ADCY7: variants seen among roughly 807,000 people sequenced by gnomAD.
ADCY7 encodes the protein adenylate cyclase 7.
In ADCY7, 72 loss-of-function variants were observed where a neutral mutation model predicts 120.6. The observed-to-expected ratio is 0.60, with a 90% CI of 0.49 to 0.73. The LOEUF (loss-of-function observed/expected upper bound fraction) is 0.73. ADCY7 is among the 30% of genes least tolerant of loss of function. The pLI, the probability that ADCY7 is intolerant of heterozygous loss-of-function variation, is 0.00. For missense variants in ADCY7, 1,227 were observed against 1,486.0 expected, an observed-to-expected ratio of 0.83 and a Z score of 2.87; for synonymous variants, 661 against 628.0, an observed-to-expected ratio of 1.05 and a Z score of -0.78.
chr16:50,269,698 G>A (rs1245183969), intron 1 of ADCY7, among the ~76,000 whole-genome samples: 3 of 152,150 alleles, frequency 2.0e-5, no homozygotes, highest in Non-Finnish European at 4.4e-5. Flanking sequence ...AGAGGATGTG[G>A]ACTTGTTCAT....
chr16:50,314,421 T>C lies in ADCY7; in HGVS notation c.2971+15T>C. The C allele has an allele frequency of 6.2e-7, 1 of 1,605,332 alleles. No individual in the cohort carries two copies. On this transcript the variant is annotated intron_variant, in intron 24 of 25. Transcript: ENST00000673801. ...CCTCCGCGTCGGTGAGCCCGGGTGA[T>C]GGAGCGGGGTGGGGAGCCCCTGCCT... is the stretch of plus-strand genomic sequence containing the variant.
chr16:50,284,864 T>C (rs1216030680), intron 1 of ADCY7, among the ~76,000 whole-genome samples: 1 of 152,186 alleles, frequency 6.6e-6, no homozygotes, highest in Non-Finnish European at 1.5e-5. Context: ...CCTTGGCCTT[T>C]GCCGGTTGTG....
At chr16:50,245,278 C>A (rs2032544931), upstream of ADCY7, among the ~76,000 whole-genome samples, 1 of 152,172 alleles carries the variant, frequency 6.6e-6, no homozygotes, top group African/African-American at 2.4e-5. Context: ...CCTGAGAAAT[C>A]GGCATAACAG....
intron 1 of ADCY7, among the ~76,000 whole-genome samples, chr16:50,275,001 C>G (rs376053280): frequency 1.3e-5 from 2 of 152,302 alleles, no homozygotes; most frequent in African/African-American, 4.8e-5. Context: ...GGCAGGTGGG[C>G]CACTCCTCTG....
chr16:50,287,693 A>AG (rs974724626), intron 1 of ADCY7, among the ~76,000 whole-genome samples: 1 of 151,738 alleles, frequency 6.6e-6, no homozygotes, highest in African/African-American at 2.4e-5. Flanking sequence ...AAAAAAAAAA[A>AG]AAAGCAGCCA....
intron 8 of ADCY7, among the ~76,000 whole-genome samples, chr16:50,299,898 G>GC (rs2035605119): frequency 6.6e-6 from 1 of 152,150 alleles, no homozygotes; most frequent in Non-Finnish European, 1.5e-5. Context: ...CGTCCCCTGT[G>GC]CCCCAAGGAA....
intron 2 of ADCY7, chr16:50,289,148 A>G (rs2034775575): frequency 3.3e-6 from 1 of 302,694 alleles, no homozygotes. Context: ...ATCAATCCCT[A>G]CATTCCACAC....
chr16:50,283,956 G>T (rs2150921153), intron 1 of ADCY7, among the ~76,000 whole-genome samples: 1 of 152,342 alleles, frequency 6.6e-6, no homozygotes, highest in South Asian at 2.1e-4. Flanking sequence ...CAATCCGGGA[G>T]CCCTGGATTG....
chr16:50,299,348 G>A (rs2035563520), intron 8 of ADCY7, among the ~76,000 whole-genome samples: 1 of 152,202 alleles, frequency 6.6e-6, no homozygotes, highest in African/African-American at 2.4e-5. Flanking sequence ...GAGGCTTCAG[G>A]GTAGGCAGCC....
intron 1 of ADCY7, among the ~76,000 whole-genome samples, chr16:50,284,445 G>A (rs954333477): frequency 6.6e-6 from 1 of 152,234 alleles, no homozygotes; most frequent in Non-Finnish European, 1.5e-5. Flanking sequence ...GGCCCAGCCT[G>A]GCTTTGTGTG....
rs67137852 is a variant in ADCY7, at chr16:50,295,345, A to ATTTTTTTTTTT, written c.948+614_948+624dup. Among the ~76,000 whole-genome samples the ATTTTTTTTTTT allele has an allele frequency of 2.6e-3, 215 of 82,732 alleles. 20 individuals are homozygous for ATTTTTTTTTTT. The highest frequency in any genetic ancestry group is 3.8e-3 in the Non-Finnish European group (165 of 43,896). 54.3% of individuals were successfully genotyped at this position (82,732 alleles called of 152,430 possible). On this transcript the variant is annotated intron_variant, in intron 7 of 25. Coordinates refer to ENST00000673801, the MANE Select transcript of ADCY7 (RefSeq NM_001114.5). Reference sequence around the variant, plus strand: ...AGGCATGCACCACCACGCCTGGCTAATTTTTTTTTTTTTTTTTTTTTTTTT... The same window carrying ATTTTTTTTTTT: ...AGGCATGCACCACCACGCCTGGCTAATTTTTTTTTTTTTTTTTTTTTTTTTTTTTTTTTTTT...
At chr16:50,292,419 C>T (rs1567555857) in intron 4 of ADCY7, among the ~76,000 whole-genome samples, 1 of 152,242 alleles carries the variant, frequency 6.6e-6, no homozygotes, top group South Asian at 2.1e-4. Flanking sequence ...CACGCATGCC[C>T]CTCGGGCCCT....
intron 3 of ADCY7, among the ~76,000 whole-genome samples, chr16:50,291,030 C>T (rs905117450): frequency 7.9e-5 from 12 of 152,138 alleles, no homozygotes; most frequent in African/African-American, 2.9e-4. Flanking sequence ...ACGCTGTCCC[C>T]AGGTGGGGGC....
chr16:50,304,624 A>G (rs2035943535), intron 11 of ADCY7, 73 bp downstream of exon 11: 2 of 1,400,414 alleles, frequency 1.4e-6, no homozygotes, highest in African/African-American at 1.4e-5. Flanking sequence ...AGTGCTGAAG[A>G]TCTCCTGCCC....
At chr16:50,292,041 C>T (rs1056312529) in intron 4 of ADCY7, 144 bp downstream of exon 4, 129 of 965,822 alleles carry the variant, frequency 1.3e-4, no homozygotes, top group Non-Finnish European at 1.8e-4. Context: ...GCCCTCTCCA[C>T]GTCTGCTCGG....
intron 10 of ADCY7, among the ~76,000 whole-genome samples, chr16:50,303,238 C>T (rs1175167962): frequency 6.6e-6 from 1 of 152,208 alleles, no homozygotes; most frequent in Non-Finnish European, 1.5e-5. Context: ...CCAGCGCGCT[C>T]TTCCTGCTCT....
intron 1 of ADCY7, among the ~76,000 whole-genome samples, chr16:50,259,619 C>G (rs1016206912): frequency 6.6e-6 from 1 of 152,146 alleles, no homozygotes; most frequent in African/African-American, 2.4e-5. Context: ...TGGGCTTTGT[C>G]GCTTACATGA....
chr16:50,297,979 G>T lies in ADCY7; in HGVS notation c.949-925G>T, dbSNP rs1234348428. 6.6e-6 allele frequency among the ~76,000 whole-genome samples: 1 copy of T among 152,012 alleles called. No homozygotes were observed. The highest frequency in any genetic ancestry group is 6.6e-5 in the Admixed American group (1 of 15,258). The stretch of plus-strand genomic sequence containing the variant: ...GTGCATGTGGCCACCCTTGCTGAGG[G>T]CTTAAGGAGGGTCTGGTGACGCAGC... On this transcript the variant is annotated intron_variant, in intron 7 of 25. Transcript: ENST00000673801. This position sits in a 1 kb window ranked among gnomAD's most constrained non-coding sequence, Gnocchi z 4.4.
chr16:50,265,241 T>A (rs1224797336), upstream of ADCY7, among the ~76,000 whole-genome samples: 4 of 152,204 alleles, frequency 2.6e-5, no homozygotes, highest in Non-Finnish European at 5.9e-5. Flanking sequence ...ATGATGATGA[T>A]GTCTGTTCCT....
Sources: allele counts gnomAD v4.1 joint callset (sites outside exome capture counted in the v4.1 genomes callset), GRCh38; gene constraint gnomAD v4.1.1; non-coding constraint Gnocchi (gnomAD v3.1); transcripts MANE v1.5; gene names NCBI Gene and HGNC (gene_info 2026-07-23, HGNC 2026-07-21).